Variants in COQ6 observed in about 807,000 individuals in gnomAD.
COQ6 encodes the protein ubiquinone biosynthesis monooxygenase COQ6, mitochondrial.
COQ6 carries 45 observed loss-of-function variants against 55.5 expected under a neutral mutation model. That is an observed-to-expected ratio of 0.81 (90% CI 0.64 to 1.04). The LOEUF is 1.04. Among genes scored for constraint, COQ6 ranks in the 50% least tolerant of loss-of-function variants. The pLI is 0.00. For missense variants in COQ6, 550 were observed against 601.3 expected, an observed-to-expected ratio of 0.91 and a Z score of 0.89; for synonymous variants, 206 against 230.5, an observed-to-expected ratio of 0.89 and a Z score of 0.96.
At position 73,953,440 on chromosome 14, in the gene COQ6, G is replaced by C; in HGVS notation, c.169G>C (p.Asp57His). Residue 57 changes from aspartate (D) to histidine (H), a missense_variant, in exon 2 of 12, where the codon GAT (aspartate) becomes CAT (histidine). Coordinates refer to ENST00000334571, the MANE Select transcript of COQ6 (RefSeq NM_182476.3). ...GAAMACALGY[D>H]IHFHDKKILL... ...ATAAATTTTCTTTTTTTAAGGATAT[G>C]ATATTCACTTTCATGACAAGAAAAT... The C allele has an allele frequency of 6.2e-7, 1 of 1,612,942 alleles. No homozygotes were observed. The highest frequency in any genetic ancestry group is 1.1e-5 in the South Asian group (1 of 91,058).
chr14:73,951,047 A>C (rs577613241), intron 1 of COQ6, among the ~76,000 whole-genome samples: 1 of 152,332 alleles, frequency 6.6e-6, no homozygotes, highest in East Asian at 1.9e-4. Context: ...CCCAGGCTGC[A>C]GTGCAGTGGC....
intron 1 of COQ6, among the ~76,000 whole-genome samples, chr14:73,951,945 T>C (rs1338751289): frequency 2.5e-5 from 3 of 119,696 alleles, no homozygotes; most frequent in African/African-American, 9.8e-5. Context: ...GCCACTGCAC[T>C]CCAGCCTGGG....
Position 73,958,202 on chromosome 14 carries a change from A to G in COQ6, c.537A>G (p.Pro179=). ...CCATTCGCTATACCTGGCCTTGTCC[A>G]TTTCCTATGGCCGACTCCAGCCCTT... is the stretch of plus-strand genomic sequence containing the variant. ...SKAIRYTWPC[P]FPMADSSPWV... Residue 179 remains proline (P), a synonymous_variant, in exon 5 of 12, where the codon CCA becomes CCG. Transcript: ENST00000334571. 2 of 1,613,972 alleles carry G rather than the reference A, an allele frequency of 1.2e-6. No homozygotes were observed. Among genetic ancestry groups the G allele is most frequent in the Non-Finnish European group, 1.7e-6 (2 of 1,180,004 alleles).
Position 73,961,556 on chromosome 14 carries a change from A to C in COQ6, c.1196A>C (p.Asn399Thr). 6.2e-7 allele frequency: 1 copy of C among 1,614,160 alleles called. No individual in the cohort carries two copies. The highest frequency in any genetic ancestry group is 1.7e-5 in the Admixed American group (1 of 59,998). ...CATCACCTCAGTACGGCAGCCTTCA[A>C]TGGGAAGGACTTAGGTAAGGATTCA... ...LAHHLSTAAF[N>T]GKDLGSVSHL... The change falls in exon 10 of 12, where the codon AAT becomes ACT. Residue 399 changes from asparagine to threonine, a missense_variant. Asn to Thr is a moderately conservative substitution (Grantham distance 65, BLOSUM62 0). Coordinates refer to ENST00000334571, the MANE Select transcript of COQ6 (RefSeq NM_182476.3).
Position 73,961,571 on chromosome 14 carries a change from GT to G in COQ6, c.1210+2del. The G allele has an allele frequency of 6.2e-7, 1 of 1,614,086 alleles. No homozygotes were observed. Among genetic ancestry groups the G allele is most frequent in the Non-Finnish European group, 8.5e-7 (1 of 1,179,958 alleles). ...GCAGCCTTCAATGGGAAGGACTTAG[GT>G]AAGGATTCAGATACTATGGGGAAGT... On this transcript the variant is annotated splice_donor_variant, in intron 10 of 11. Transcript: ENST00000334571. LOFTEE classifies it high-confidence loss of function.
At chr14:73,950,129 G>A, upstream of COQ6, 2 of 1,598,948 alleles carry the variant, frequency 1.3e-6, no homozygotes, top group South Asian at 2.2e-5. Context: ...TAGCTTTGGC[G>A]TCTGGTTGGC....
intron 5 of COQ6, chr14:73,958,682 C>T: frequency 3.0e-6 from 4 of 1,336,788 alleles, no homozygotes; most frequent in Non-Finnish European, 3.8e-6. Context: ...GTGTGTGCCC[C>T]ATACTGAAAC....
chr14:73,950,525 G>A (rs768123091), intron 1 of COQ6, 30 bp downstream of exon 1: 66 of 1,579,424 alleles, frequency 4.2e-5, no homozygotes, highest in Non-Finnish European at 5.7e-5. Context: ...ACTAGTGGCC[G>A]GAAACCGGGC....
intron 1 of COQ6, 25 bp from the exon 2 acceptor site, chr14:73,953,410 A>G (rs751301015): frequency 1.3e-6 from 2 of 1,587,608 alleles, no homozygotes; most frequent in South Asian, 1.1e-5. Flanking sequence ...TTTTCCTAAG[A>G]TGATATAAAT....
At chr14:73,961,631 C>T in intron 10 of COQ6, 61 bp downstream of exon 10, 2 of 1,601,062 alleles carry the variant, frequency 1.2e-6, no homozygotes, top group Non-Finnish European at 1.7e-6. Context: ...AAGATCAGGG[C>T]CCACAGTAGC....
intron 11 of COQ6, 107 bp downstream of exon 11, chr14:73,962,010 C>T (rs2140423374): frequency 7.7e-7 from 1 of 1,293,058 alleles, no homozygotes; most frequent in Non-Finnish European, 1.1e-6. Context: ...TGCAGTGGCA[C>T]AATTTCCACT....
Position 73,961,362 on chromosome 14 carries a change from G to T in COQ6, c.1081G>T (p.Val361Leu), listed in dbSNP as rs772101037. The T allele has an allele frequency of 6.2e-7, 1 of 1,614,202 alleles. No homozygotes were observed. Among genetic ancestry groups the T allele is most frequent in the East Asian group, 2.2e-5 (1 of 44,884 alleles). ...GHAAEYVRPR[V>L]ALIGDAAHRV... is the part of the protein sequence containing the mutation. Reference sequence around the variant, plus strand: ...TGCTGCTGAGTACGTCAGGCCTCGGGTGGCGCTCATTGGGTAAGACGATAA... The same window carrying T: ...TGCTGCTGAGTACGTCAGGCCTCGGTTGGCGCTCATTGGGTAAGACGATAA... Residue 361 changes from valine (V) to leucine (L), a missense_variant, in exon 9 of 12, where the codon GTG becomes TTG. Physicochemically the swap from Val to Leu is conservative, Grantham distance 32 (BLOSUM62 1). Coordinates refer to ENST00000334571, the MANE Select transcript of COQ6 (RefSeq NM_182476.3).
Position 73,950,316 on chromosome 14 carries a change from CG to C in COQ6, c.-15del, listed in dbSNP as rs1175292770. 1.3e-6 allele frequency: 2 copies of C among 1,546,292 alleles called. No individual in the cohort carries two copies. The highest frequency in any genetic ancestry group is 4.8e-5 in the East Asian group (2 of 41,252). On this transcript the variant is annotated 5_prime_UTR_variant, in exon 1 of 12. Transcript: ENST00000334571. ...GGGCCTGCGGGAGTTCTGAGTGCGA[CG>C]GCGCAGGTCTGCACCATGGCGGCCC...
Position 73,963,032 on chromosome 14 carries a change from G to A in COQ6, c.*33G>A. 1.3e-6 allele frequency: 2 copies of A among 1,542,066 alleles called. No individual in the cohort carries two copies. The highest frequency in any genetic ancestry group is 1.1e-5 in the South Asian group (1 of 89,660). Reference sequence around the variant, plus strand: ...TCTCCTAAAGAAAGATTACGTTGATGAAAAAGAACATCCTGCCCAGGACCC... The same window carrying A: ...TCTCCTAAAGAAAGATTACGTTGATAAAAAAGAACATCCTGCCCAGGACCC... On this transcript the variant is annotated 3_prime_UTR_variant, in exon 12 of 12. Transcript: ENST00000334571.
chr14:73,954,946 T>TA (rs1350562642), intron 2 of COQ6, among the ~76,000 whole-genome samples: 2 of 135,034 alleles, frequency 1.5e-5, no homozygotes, highest in Non-Finnish European at 3.1e-5. Context: ...CTTTTTTTTT[T>TA]TTATTTTATT....
At chr14:73,958,855 G>A in intron 5 of COQ6, 116 bp from the exon 6 acceptor site, 20 of 1,548,798 alleles carry the variant, frequency 1.3e-5, no homozygotes, top group Non-Finnish European at 1.7e-5. Context: ...AGGCCTGATG[G>A]AATTATCCTG....
chr14:73,960,966 A>G (rs963998869), intron 8 of COQ6: 3 of 673,034 alleles, frequency 4.5e-6, no homozygotes, highest in Non-Finnish European at 7.9e-6. Flanking sequence ...GGGCCAGCTC[A>G]TGTACAGTTT....
rs769890899 is a variant in COQ6, at chr14:73,959,001, C to A, written c.643C>A (p.Arg215=). ...IGADGHNSGV[R]QAVGIQNVSW... The stretch of plus-strand genomic sequence containing the variant: ...TGCAGATGGTCACAACTCCGGAGTA[C>A]GGCAGGCTGTTGGAATCCAGAATGT... Residue 215 remains arginine (R), a synonymous_variant, in exon 6 of 12, where the codon CGG becomes AGG. Coordinates refer to ENST00000334571, the MANE Select transcript of COQ6 (RefSeq NM_182476.3). The A allele has an allele frequency of 1.2e-6, 2 of 1,614,070 alleles. No individual in the cohort carries two copies. The highest frequency in any genetic ancestry group is 4.5e-5 in the East Asian group (2 of 44,888).
chr14:73,956,934 T>C (rs1010604830), intron 4 of COQ6: 9 of 152,128 alleles, frequency 5.9e-5, no homozygotes, highest in African/African-American at 1.7e-4. Flanking sequence ...TATTGGGTCA[T>C]ATGATCACAC....
Sources: allele counts gnomAD v4.1 joint callset (sites outside exome capture counted in the v4.1 genomes callset), GRCh38; gene constraint gnomAD v4.1.1; transcripts MANE v1.5; gene names NCBI Gene and HGNC (gene_info 2026-07-23, HGNC 2026-07-21).